SLC16A1: variants seen among roughly 807,000 people sequenced by gnomAD.
The protein encoded by SLC16A1 is solute carrier family 16 member 1.
Under a neutral mutation model 32.2 loss-of-function variants are expected in SLC16A1, and 11 were observed. The ratio of observed to expected loss-of-function variants is 0.34; its 90% CI spans 0.21 to 0.56. The LOEUF (loss-of-function observed/expected upper bound fraction) is 0.56. SLC16A1 is among the 20% of genes least tolerant of loss of function. The pLI is 0.87. For missense variants in SLC16A1, 435 were observed against 615.0 expected, an observed-to-expected ratio of 0.71 and a Z score of 3.10; for synonymous variants, 231 against 226.8, an observed-to-expected ratio of 1.02 and a Z score of -0.17.
rs570584735 is a variant in SLC16A1, at chr1:112,933,140, A to C, written c.-44-3788T>G. ...GACTGAAAGACTCAATATTTAAATC[A>C]AGCAAAGATTTCTGAAGGAACATAA... is the stretch of plus-strand genomic sequence containing the variant. On this transcript the variant is annotated intron_variant, in intron 1 of 4. Coordinates refer to ENST00000369626, the MANE Select transcript of SLC16A1 (RefSeq NM_003051.4). Among the ~76,000 whole-genome samples, 8 of 152,302 alleles carry C rather than the reference A, an allele frequency of 5.3e-5. No individual in the cohort carries two copies. In the South Asian group the frequency reaches 1.7e-3, roughly 32 times the overall value.
intron 1 of SLC16A1, among the ~76,000 whole-genome samples, chr1:112,937,251 T>G (rs1351007395): frequency 1.3e-5 from 2 of 152,238 alleles, no homozygotes; most frequent in African/African-American, 4.8e-5. Flanking sequence ...TGAGTTTAGC[T>G]GCCAGCTATG....
At chr1:112,936,311 C>A (rs1321452988) in intron 1 of SLC16A1, among the ~76,000 whole-genome samples, 1 of 151,836 alleles carries the variant, frequency 6.6e-6, no homozygotes, top group African/African-American at 2.4e-5. Context: ...AGTTCGAGAC[C>A]TGCCTGGTCA....
At chr1:112,918,788 G>C (rs1648607862) in intron 3 of SLC16A1, among the ~76,000 whole-genome samples, 1 of 152,094 alleles carries the variant, frequency 6.6e-6, no homozygotes. Context: ...GGGCTACAGA[G>C]AAAGAACCTG....
chr1:112,940,645 G>A (rs1280332965), intron 1 of SLC16A1, among the ~76,000 whole-genome samples: 1 of 151,954 alleles, frequency 6.6e-6, no homozygotes. Context: ...TATGTATACT[G>A]GAAAGGATGG....
intron 3 of SLC16A1, among the ~76,000 whole-genome samples, chr1:112,920,830 T>TA (rs1648699204): frequency 6.6e-6 from 1 of 151,964 alleles, no homozygotes; most frequent in African/African-American, 2.4e-5. Flanking sequence ...ATTTTAAAAA[T>TA]ACTTTTTAAC....
chr1:112,921,942 A>G (rs369099198), intron 3 of SLC16A1, 48 bp downstream of exon 3: 20 of 1,608,752 alleles, frequency 1.2e-5, no homozygotes, highest in Admixed American at 1.7e-5. Context: ...TAAATACAAA[A>G]TAGCCAGCCA....
At chr1:112,916,688 G>A (rs985425598) in intron 4 of SLC16A1, among the ~76,000 whole-genome samples, 9 of 152,074 alleles carry the variant, frequency 5.9e-5, no homozygotes, top group Non-Finnish European at 1.0e-4. Flanking sequence ...CCAGCACTTT[G>A]GGAGGCTGAG....
At chr1:112,952,280 A>G (rs181520791) in intron 1 of SLC16A1, among the ~76,000 whole-genome samples, 12 of 152,360 alleles carry the variant, frequency 7.9e-5, no homozygotes, top group African/African-American at 2.2e-4. Context: ...TGGTGCAAAC[A>G]TAATTGCGGT....
At chr1:112,926,455 C>T (rs770893475) in intron 2 of SLC16A1, among the ~76,000 whole-genome samples, 26 of 152,164 alleles carry the variant, frequency 1.7e-4, no homozygotes, top group Non-Finnish European at 3.2e-4. Context: ...TAGTGGTACA[C>T]ACCTGCAGTC....
chr1:112,932,251 T>C (rs1649158344), intron 1 of SLC16A1, among the ~76,000 whole-genome samples: 3 of 152,218 alleles, frequency 2.0e-5, no homozygotes, highest in Admixed American at 2.0e-4. Context: ...AGAAATAAAA[T>C]AGGCCAGGTG....
chr1:112,941,857 C>T (rs1474549082), intron 1 of SLC16A1, among the ~76,000 whole-genome samples: 1 of 152,212 alleles, frequency 6.6e-6, no homozygotes, highest in African/African-American at 2.4e-5. Context: ...AGGGCCCTTT[C>T]ACCACCTAAA....
In SLC16A1 at chr1:112,917,739, T is replaced by TGAAAAAA. The variant is rs772457442; in HGVS notation, c.666_667insTTTTTTC (p.Lys223PhefsTer8). 2 of 1,614,236 alleles carry TGAAAAAA rather than the reference T, an allele frequency of 1.2e-6. No homozygotes were observed. The highest frequency in any genetic ancestry group is 2.2e-5 in the South Asian group (2 of 91,090). On this transcript the variant is annotated frameshift_variant, in exon 4 of 5. Coordinates refer to ENST00000369626, the MANE Select transcript of SLC16A1 (RefSeq NM_003051.4). LOFTEE classifies it high-confidence loss of function. This position sits in a 1 kb window ranked among gnomAD's most constrained non-coding sequence, Gnocchi z 4.1. ...GTATTTGCATCATGCAGATCTTTTT[T>TGAAAAAA]CACACCAGATTTTCCAGCTTTCTCA...
rs75876968 is a variant in SLC16A1 at position 112,954,416 on chromosome 1, C to G, written c.-45+1619G>C. Among the ~76,000 whole-genome samples, 681 of 152,310 alleles carry G rather than the reference C, an allele frequency of 4.5e-3. 4 individuals are homozygous for G. Among genetic ancestry groups the G allele is most frequent in the Middle Eastern group, 0.017 (5 of 294 alleles). On this transcript the variant is annotated intron_variant, in intron 1 of 4. Coordinates refer to ENST00000369626, the MANE Select transcript of SLC16A1 (RefSeq NM_003051.4). ...TAAGATGTTAGATCACTTAATCCCTCCAGCCCCAGTTTCCTTATGTGTAAA... is the reference window on the plus strand; with the variant it reads ...TAAGATGTTAGATCACTTAATCCCTGCAGCCCCAGTTTCCTTATGTGTAAA...
intron 1 of SLC16A1, among the ~76,000 whole-genome samples, chr1:112,942,933 T>C (rs761355677): frequency 6.6e-6 from 1 of 152,184 alleles, no homozygotes; most frequent in Non-Finnish European, 1.5e-5. Context: ...GTAATGAACA[T>C]AGATATACAT....
chr1:112,924,404 T>C (rs1648860180), intron 2 of SLC16A1: 6 of 1,100,236 alleles, frequency 5.5e-6, no homozygotes, highest in African/African-American at 3.1e-5. Context: ...TCTCACACTT[T>C]CTTTAATTTA....
intron 1 of SLC16A1, among the ~76,000 whole-genome samples, chr1:112,946,075 G>A (rs1649695917): frequency 6.6e-6 from 1 of 152,064 alleles, no homozygotes; most frequent in Admixed American, 6.6e-5. Context: ...ACACTACTGT[G>A]GAAAACTAGA....
chr1:112,916,698 G>A (rs1477419859), intron 4 of SLC16A1, among the ~76,000 whole-genome samples: 2 of 152,068 alleles, frequency 1.3e-5, no homozygotes, highest in Admixed American at 6.5e-5. Context: ...GGGAGGCTGA[G>A]ACAAGTGGAT....
At chr1:112,951,412 A>G (rs1570649541) in intron 1 of SLC16A1, among the ~76,000 whole-genome samples, 1 of 151,922 alleles carries the variant, frequency 6.6e-6, no homozygotes, top group East Asian at 1.9e-4. Flanking sequence ...GATGAAGGAA[A>G]GTTGAGAACA....
intron 1 of SLC16A1, among the ~76,000 whole-genome samples, chr1:112,943,014 T>C (rs913041994): frequency 2.0e-5 from 3 of 152,190 alleles, no homozygotes; most frequent in Non-Finnish European, 4.4e-5. Context: ...AACGTTATGT[T>C]AAATAATCTG....
Sources: gnomAD v4.1 joint callset for allele counts (sites outside exome capture counted in the v4.1 genomes callset) on GRCh38, gnomAD v4.1.1 for gene constraint, Gnocchi (gnomAD v3.1) non-coding constraint, MANE v1.5 for transcripts, NCBI Gene and HGNC (gene_info 2026-07-23, HGNC 2026-07-21) for gene names.